The following LRRC9 variants were observed in gnomAD, a reference collection of about 807,000 sequenced individuals.
LRRC9 encodes the protein leucine-rich repeat-containing protein 9.
A neutral mutation model predicts 63.2 loss-of-function variants in LRRC9; 122 were observed. That is an observed-to-expected ratio of 1.93 (90% CI 1.67 to 2.24). LRRC9 has a LOEUF of 2.24. Among genes scored for constraint, LRRC9 ranks in the 30% most tolerant of loss-of-function variants. The pLI, the probability that LRRC9 is intolerant of heterozygous loss-of-function variation, is 0.00. For missense variants in LRRC9, 1,071 were observed against 627.7 expected (o/e 1.71, Z -7.55); for synonymous variants, 366 against 213.1 (o/e 1.72, Z -6.25).
intron 28 of LRRC9, among the ~76,000 whole-genome samples, chr14:60,028,849 T>C (rs1194967148): frequency 2.0e-5 from 3 of 152,164 alleles, no homozygotes; most frequent in African/African-American, 4.8e-5. Context: ...TCTATCAGTA[T>C]ATAGCATAGT....
rs181258802 is a variant in LRRC9, at chr14:59,945,360, T to C, written c.882+616T>C. The stretch of plus-strand genomic sequence containing the variant: ...CTGTATTTTTTTCAGTATGAGGAAA[T>C]AATGGATTATTCAACAAATGGTGTT... On this transcript the variant is annotated intron_variant, in intron 8 of 31. Coordinates refer to ENST00000445360, the Ensembl canonical transcript of LRRC9. Among the ~76,000 whole-genome samples the C allele has an allele frequency of 4.4e-4, 67 of 152,054 alleles. 1 individual carries two copies. In the Middle Eastern group the frequency reaches 0.02, roughly 46 times the overall value.
At chr14:59,981,860 T>C in exon 16 of LRRC9, 2 of 696,044 alleles carry the variant, frequency 2.9e-6, no homozygotes, top group Non-Finnish European at 5.2e-6. Context: ...CAAGGCACCC[T>C]CTTTATTTTC....
At chr14:59,972,333 T>C (rs976471004) in intron 12 of LRRC9, among the ~76,000 whole-genome samples, 1 of 152,162 alleles carries the variant, frequency 6.6e-6, no homozygotes, top group Non-Finnish European at 1.5e-5. Context: ...AACAGATGAT[T>C]TACTTAACAA....
intron 31 of LRRC9, 98 bp from the exon 33 acceptor site, chr14:60,063,225 A>G: frequency 1.5e-6 from 1 of 659,460 alleles, no homozygotes; most frequent in Non-Finnish European, 2.7e-6. Context: ...GCACATCTAA[A>G]ATACAGAAAT....
At position 59,927,857 on chromosome 14, in the gene LRRC9, C is replaced by G. The variant is rs1185845441; in HGVS notation, c.-33-54C>G. ...TCAGTAGCTTTAAGGTCTATTTCAACTTGGAATGACAATGACTTTAATATT... is the reference window on the plus strand; with the variant it reads ...TCAGTAGCTTTAAGGTCTATTTCAAGTTGGAATGACAATGACTTTAATATT... On this transcript the variant is annotated intron_variant, in intron 1 of 31. Transcript: ENST00000445360. The surrounding 1 kb of genome is among the most constrained non-coding windows in gnomAD (Gnocchi z 4.4). 1 of 581,514 alleles carries G rather than the reference C, an allele frequency of 1.7e-6. No individual in the cohort carries two copies. The highest frequency in any genetic ancestry group is 1.9e-5 in the African/African-American group (1 of 52,374). The allele number at this position is 581,514 out of a possible 1,614,324, so 36.0% of individuals were successfully genotyped here. A position where few individuals can be genotyped will look rare whatever the true frequency, so the allele number is the denominator to read the frequency against.
downstream of LRRC9, among the ~76,000 whole-genome samples, chr14:60,064,603 G>A (rs931527495): frequency 1.3e-5 from 2 of 152,064 alleles, no homozygotes; most frequent in African/African-American, 4.8e-5. Flanking sequence ...TCTTTGTAAT[G>A]TGTGGTTTTT....
At chr14:59,960,668 C>G (rs1566817278) in intron 9 of LRRC9, among the ~76,000 whole-genome samples, 2 of 152,140 alleles carry the variant, frequency 1.3e-5, no homozygotes, top group South Asian at 4.1e-4. Context: ...GATCTGAAAG[C>G]TGTAAGTGGT....
At chr14:60,019,479 A>G (rs1364865410) in intron 26 of LRRC9, among the ~76,000 whole-genome samples, 1 of 151,886 alleles carries the variant, frequency 6.6e-6, no homozygotes, top group Middle Eastern at 3.2e-3. Context: ...TCCATTTCAA[A>G]CCTATATTGT....
chr14:59,921,689 G>A (rs1222894218), intron 1 of LRRC9, among the ~76,000 whole-genome samples: 1 of 151,020 alleles, frequency 6.6e-6, no homozygotes, highest in Non-Finnish European at 1.5e-5. Flanking sequence ...GGCACATTCA[G>A]ATGGAGCTTT....
chr14:59,993,611 G>A (rs1308923551), intron 17 of LRRC9, among the ~76,000 whole-genome samples: 1 of 152,170 alleles, frequency 6.6e-6, no homozygotes, highest in Non-Finnish European at 1.5e-5. Context: ...TAAAGGGAGG[G>A]AGGAAGATCT....
At chr14:59,928,595 A>G (rs1889411649) in intron 3 of LRRC9, 109 bp downstream of exon 3, 1 of 424,582 alleles carries the variant, frequency 2.4e-6, no homozygotes, top group African/African-American at 2.0e-5. Context: ...AGACAGATAA[A>G]TGAACAAAGG....
intron 23 of LRRC9, among the ~76,000 whole-genome samples, chr14:60,015,300 C>T (rs1421121542): frequency 1.3e-5 from 2 of 152,074 alleles, no homozygotes; most frequent in Admixed American, 6.6e-5. Flanking sequence ...ATCCGTTGAT[C>T]GTCTTTTCAC....
downstream of LRRC9, among the ~76,000 whole-genome samples, chr14:60,064,025 C>T (rs1894811242): frequency 6.6e-6 from 1 of 152,058 alleles, no homozygotes; most frequent in African/African-American, 2.4e-5. Flanking sequence ...CCTTCATGCT[C>T]TAAGAATAAA....
intron 27 of LRRC9, among the ~76,000 whole-genome samples, chr14:60,024,978 C>CTG (rs1891414532): frequency 6.6e-6 from 1 of 151,760 alleles, no homozygotes; most frequent in Non-Finnish European, 1.5e-5. Flanking sequence ...TCCATCCAGG[C>CTG]TGTGGTAGAG....
chr14:59,996,924 G>GTCT (rs1888857240), intron 17 of LRRC9, among the ~76,000 whole-genome samples: 1 of 152,074 alleles, frequency 6.6e-6, no homozygotes, highest in African/African-American at 2.4e-5. Flanking sequence ...AAGATCTATA[G>GTCT]TAAAATGTTT....
intron 1 of LRRC9, among the ~76,000 whole-genome samples, chr14:59,926,478 A>G (rs1272631748): frequency 6.6e-6 from 1 of 152,208 alleles, no homozygotes; most frequent in Non-Finnish European, 1.5e-5. Context: ...GTAGAATTTC[A>G]TTGAAGTATA....
chr14:59,974,309 T>G (rs529726191), intron 12 of LRRC9, among the ~76,000 whole-genome samples: 120 of 152,244 alleles, frequency 7.9e-4, no homozygotes, highest in Non-Finnish European at 1.5e-3. Context: ...CTCCACATAG[T>G]ATTATCAGTC....
chr14:60,059,925 A>G (rs1314285723), intron 31 of LRRC9, among the ~76,000 whole-genome samples: 2 of 152,242 alleles, frequency 1.3e-5, no homozygotes, highest in African/African-American at 4.8e-5. Context: ...CAACAGCCTT[A>G]TATCAGAAGA....
chr14:60,025,931 A>C (rs1376701290), intron 27 of LRRC9, among the ~76,000 whole-genome samples: 2 of 152,090 alleles, frequency 1.3e-5, no homozygotes, highest in African/African-American at 4.8e-5. Flanking sequence ...ATGTAAAATA[A>C]AGAGAAAAAC....
Sources: allele counts gnomAD v4.1 joint callset (sites outside exome capture counted in the v4.1 genomes callset), GRCh38; gene constraint gnomAD v4.1.1; non-coding constraint Gnocchi (gnomAD v3.1); transcripts MANE v1.5; gene names NCBI Gene and HGNC (gene_info 2026-07-23, HGNC 2026-07-21).